Variants in STK3 observed in about 807,000 individuals in gnomAD.
STK3 encodes serine/threonine kinase 3, also known as serine/threonine-protein kinase 3.
Under a neutral mutation model 58.0 loss-of-function variants are expected in STK3, and 41 were observed. The observed-to-expected ratio is 0.71, with a 90% CI of 0.55 to 0.92. The LOEUF is 0.92. Ranked by LOEUF, STK3 falls within the 40% of genes least tolerant of loss-of-function variation. The pLI, the probability that STK3 is intolerant of heterozygous loss-of-function variation, is 0.00. For synonymous variants in STK3, 170 were observed against 191.0 expected (o/e 0.89, Z 0.91); for missense variants, 479 against 602.7 (o/e 0.79, Z 2.15).
intron 6 of STK3, among the ~76,000 whole-genome samples, chr8:98,704,391 G>A (rs1825819598): frequency 6.6e-6 from 1 of 152,076 alleles, no homozygotes; most frequent in South Asian, 2.1e-4. Context: ...TATTATGTTT[G>A]GAAATGCACG....
chr8:98,534,271 T>C (rs565708329), intron 9 of STK3, among the ~76,000 whole-genome samples: 1 of 152,296 alleles, frequency 6.6e-6, no homozygotes, highest in Non-Finnish European at 1.5e-5. Flanking sequence ...ACCCAAATGG[T>C]ACCCACTGTA....
rs145987290 is a variant in STK3, at chr8:98,598,351, T to C, written c.685-2182A>G. ...TTATTTACCCAGTACTCTCATAAAG[T>C]GAACCTAAAATGTCACATTCTACCC... On this transcript the variant is annotated intron_variant, in intron 6 of 10. Coordinates refer to ENST00000419617, the MANE Select transcript of STK3 (RefSeq NM_006281.4). 150 of 985,338 alleles carry C rather than the reference T, an allele frequency of 1.5e-4. No homozygotes were observed. In the African/African-American group the frequency reaches 2.4e-3, roughly 16 times the overall value. The allele number at this position is 985,338 out of a possible 1,614,324, so 61.0% of individuals were successfully genotyped here.
At chr8:98,442,232 C>T (rs1192280939) in intron 1 of STK3, among the ~76,000 whole-genome samples, 1 of 152,232 alleles carries the variant, frequency 6.6e-6, no homozygotes, top group Non-Finnish European at 1.5e-5. Flanking sequence ...GCCCCTCTCC[C>T]TGAACTAGAA....
chr8:98,432,766 A>T (rs1464993019), intron 3 of STK3: 1 of 167,056 alleles, frequency 6.0e-6, no homozygotes, highest in African/African-American at 2.4e-5. Context: ...TGTAATTTTT[A>T]AAATTGAGGA....
Position 98,749,269 on chromosome 8 carries a change from T to A in STK3, c.351+7A>T, listed in dbSNP as rs1829821014. The A allele has an allele frequency of 1.3e-6, 2 of 1,575,068 alleles. No homozygotes were observed. Among genetic ancestry groups the A allele is most frequent in the Non-Finnish European group, 8.7e-7 (1 of 1,153,166 alleles). ...TGATATTAGCAAAACAATTTTAAAA[T>A]ACTTACTGTCTTGTTTCGTAATCTA... On this transcript the variant is annotated splice_region_variant and intron_variant, in intron 4 of 10. Coordinates refer to ENST00000419617, the MANE Select transcript of STK3 (RefSeq NM_006281.4).
chr8:98,440,099 C>T (rs551546705), intron 1 of STK3, among the ~76,000 whole-genome samples: 16 of 152,272 alleles, frequency 1.1e-4, no homozygotes, highest in African/African-American at 3.1e-4. Flanking sequence ...TCTGCTCCAG[C>T]GGGCCAGTCT....
intron 6 of STK3, among the ~76,000 whole-genome samples, chr8:98,678,555 T>C (rs1343977231): frequency 2.0e-5 from 3 of 152,140 alleles, no homozygotes. Flanking sequence ...AAAAACAGAA[T>C]GTATATGAAA....
chr8:98,889,857 CT>C (rs1178841483), intron 1 of STK3: 2 of 152,216 alleles, frequency 1.3e-5, no homozygotes, highest in African/African-American at 2.4e-5. Flanking sequence ...CTGGATTACA[CT>C]TTAAGAACTG....
chr8:98,515,557 T>C (rs560869151), intron 10 of STK3, among the ~76,000 whole-genome samples: 218 of 152,264 alleles, frequency 1.4e-3, no homozygotes, highest in Admixed American at 2.4e-3. Context: ...CTCCTCTTTC[T>C]CTTGACTGAT....
At chr8:98,832,795 C>T (rs1019055272) in intron 3 of STK3, among the ~76,000 whole-genome samples, 12 of 152,158 alleles carry the variant, frequency 7.9e-5, no homozygotes, top group African/African-American at 2.9e-4. Context: ...CTCAAACTAT[C>T]TCCCTCCCCT....
At chr8:98,893,702 GT>G (rs956928697) in intron 1 of STK3, among the ~76,000 whole-genome samples, 4 of 152,082 alleles carry the variant, frequency 2.6e-5, no homozygotes, top group African/African-American at 9.7e-5. Context: ...AAGAAAGGTG[GT>G]TTTCCTCTGC....
chr8:98,802,003 C>T (rs1441239131), intron 1 of STK3, among the ~76,000 whole-genome samples: 2 of 152,128 alleles, frequency 1.3e-5, no homozygotes, highest in African/African-American at 4.8e-5. Flanking sequence ...AAGATCCTGT[C>T]TCTACAAAAC....
chr8:98,701,692 A>T (rs183914498), intron 6 of STK3, among the ~76,000 whole-genome samples: 226 of 150,242 alleles, frequency 1.5e-3, no homozygotes, highest in Non-Finnish European at 2.4e-3. Context: ...ACACACACAC[A>T]CTCTCTCTCT....
At chr8:98,664,980 A>G (rs1426494014) in intron 6 of STK3, among the ~76,000 whole-genome samples, 1 of 152,058 alleles carries the variant, frequency 6.6e-6, no homozygotes, top group Non-Finnish European at 1.5e-5. Flanking sequence ...CCCAATTCCT[A>G]CCCTAAATTC....
At chr8:98,688,954 G>T (rs987905214) in intron 6 of STK3, among the ~76,000 whole-genome samples, 4 of 151,948 alleles carry the variant, frequency 2.6e-5, no homozygotes, top group Admixed American at 6.6e-5. Flanking sequence ...CCATACAAAA[G>T]ATCAATGAAA....
intron 10 of STK3, among the ~76,000 whole-genome samples, chr8:98,492,898 A>G (rs918022465): frequency 2.0e-5 from 3 of 151,372 alleles, no homozygotes; most frequent in South Asian, 2.1e-4. Flanking sequence ...TCTTCAGTCA[A>G]TCCTCCAATT....
At chr8:98,526,469 A>G in intron 10 of STK3, 1 of 218,234 alleles carries the variant, frequency 4.6e-6, no homozygotes. Context: ...AATAGTTGTC[A>G]TTTTAGTTTT....
At chr8:98,924,555 G>T (rs1234910671) in intron 1 of STK3, among the ~76,000 whole-genome samples, 1 of 152,108 alleles carries the variant, frequency 6.6e-6, no homozygotes, top group South Asian at 2.1e-4. Context: ...TTCTTCCCAG[G>T]ATTCTTTAAA....
downstream of STK3, among the ~76,000 whole-genome samples, chr8:98,366,302 T>C (rs930669194): frequency 1.3e-5 from 2 of 152,354 alleles, no homozygotes; most frequent in Admixed American, 6.5e-5. Context: ...GCTTATAGTC[T>C]TCATTTTTCT....
Sources: allele counts gnomAD v4.1 joint callset (sites outside exome capture counted in the v4.1 genomes callset), GRCh38; gene constraint gnomAD v4.1.1; transcripts MANE v1.5; gene names NCBI Gene and HGNC (gene_info 2026-07-23, HGNC 2026-07-21).